Variants in PRKAG1 observed in about 807,000 individuals in gnomAD.
The protein encoded by PRKAG1 is protein kinase AMP-activated non-catalytic subunit gamma 1.
In PRKAG1, 27 loss-of-function variants were observed where a neutral mutation model predicts 48.2. That is an observed-to-expected ratio of 0.56 (90% CI 0.41 to 0.77). PRKAG1 has a LOEUF of 0.77. Among genes scored for constraint, PRKAG1 ranks in the 30% least tolerant of loss-of-function variants. The pLI is 0.00. For synonymous variants in PRKAG1, 130 were observed against 147.7 expected, an observed-to-expected ratio of 0.88 and a Z score of 0.87; for missense variants, 287 against 398.3, an observed-to-expected ratio of 0.72 and a Z score of 2.38.
In PRKAG1 at chr12:49,004,816, TGTGTGTGTGTG is replaced by T. The variant is rs1565732956; in HGVS notation, c.410+137_410+147del. 1.8e-4 allele frequency: 39 copies of T among 217,076 alleles called. No individual in the cohort carries two copies. The African/African-American group carries it at 3.1e-3, about 17-fold the overall frequency. The allele number at this position is 217,076 out of a possible 1,614,324, so 13.4% of individuals were successfully genotyped here. On this transcript the variant is annotated intron_variant, in intron 7 of 11. Coordinates refer to ENST00000548065, the MANE Select transcript of PRKAG1 (RefSeq NM_002733.5). Reference sequence around the variant, plus strand: ...GAGAATGAGAGAGAGAGAGAGACTGTGTGTGTGTGTGTGTGTGTGTGTGTGTGTGTGTGTGT... The same window carrying T: ...GAGAATGAGAGAGAGAGAGAGACTGTTGTGTGTGTGTGTGTGTGTGTGTGT...
chr12:49,003,757 C>T lies in PRKAG1; in HGVS notation c.703G>A (p.Gly235Arg). 1 of 1,611,556 alleles carries T rather than the reference C, an allele frequency of 6.2e-7. No individual in the cohort carries two copies. The highest frequency in any genetic ancestry group is 1.1e-5 in the South Asian group (1 of 90,666). ...VSALPVVDEK[G>R]RVVDIYSKFD... ...CCTCTCCTTCTGCCCAATCTCTCAC[C>T]CTTCTCATCCACCACTGGCAGGGCT... Residue 235 changes from glycine to arginine, a missense_variant and splice_region_variant, in exon 9 of 12, where the codon GGG becomes AGG. Gly to Arg is a moderately radical substitution (Grantham distance 125). This residue lies in a region of PRKAG1 where 224 missense variants were observed against 344.3 expected (regional missense o/e 0.65). Coordinates refer to ENST00000548065, the MANE Select transcript of PRKAG1 (RefSeq NM_002733.5).
chr12:49,003,981 C>G (rs368231399), intron 8 of PRKAG1, 59 bp from the exon 9 acceptor site: 14 of 1,536,694 alleles, frequency 9.1e-6, no homozygotes, highest in East Asian at 6.8e-5. Flanking sequence ...TTGGATACCC[C>G]CTCCAACCCA....
At chr12:49,006,189 ATACT>A (rs1269724151) in intron 2 of PRKAG1, among the ~76,000 whole-genome samples, 1 of 152,204 alleles carries the variant, frequency 6.6e-6, no homozygotes, top group African/African-American at 2.4e-5. Flanking sequence ...TCCCTTTCAT[ATACT>A]TAGCACATTT....
rs764818821 is a variant in PRKAG1, at chr12:49,018,771, T to C, written c.-31A>G. 1.2e-6 allele frequency: 2 copies of C among 1,612,108 alleles called. No individual in the cohort carries two copies. Among genetic ancestry groups the C allele is most frequent in the African/African-American group, 2.7e-5 (2 of 74,860 alleles). On this transcript the variant is annotated 5_prime_UTR_variant, in exon 1 of 12. Coordinates refer to ENST00000548065, the MANE Select transcript of PRKAG1 (RefSeq NM_002733.5). Reference sequence around the variant, plus strand: ...GAGGCGCCCGGCTTGGTTTCCTCGCTTTAGGAAACTCTCTTGGGGCAGGCC... The same window carrying C: ...GAGGCGCCCGGCTTGGTTTCCTCGCCTTAGGAAACTCTCTTGGGGCAGGCC...
intron 2 of PRKAG1, among the ~76,000 whole-genome samples, chr12:49,012,367 T>A (rs1941793632): frequency 6.6e-6 from 1 of 151,482 alleles, no homozygotes; most frequent in Non-Finnish European, 1.5e-5. Flanking sequence ...CTTTTCCTAA[T>A]TTTTTTCTTT....
chr12:49,004,056 G>A, intron 8 of PRKAG1, 134 bp from the exon 9 acceptor site: 1 of 1,222,078 alleles, frequency 8.2e-7, no homozygotes, highest in Non-Finnish European at 1.1e-6. Context: ...TTGGGAGGCT[G>A]AGGGGGACAT....
intron 1 of PRKAG1, among the ~76,000 whole-genome samples, chr12:49,015,849 T>C (rs1039474857): frequency 6.6e-6 from 1 of 151,942 alleles, no homozygotes; most frequent in Non-Finnish European, 1.5e-5. Context: ...GTGCTGGGAT[T>C]ACAGGTATGC....
At chr12:49,011,668 T>C (rs1022446332) in intron 2 of PRKAG1, among the ~76,000 whole-genome samples, 1 of 151,500 alleles carries the variant, frequency 6.6e-6, no homozygotes, top group Non-Finnish European at 1.5e-5. Flanking sequence ...GATTCTGTGA[T>C]TCTCCTGCCT....
intron 2 of PRKAG1, among the ~76,000 whole-genome samples, chr12:49,012,321 G>A (rs1053692996): frequency 2.6e-5 from 4 of 151,768 alleles, no homozygotes; most frequent in African/African-American, 9.7e-5. Context: ...GATTTTAGAG[G>A]TTTAGTGCTT....
intron 10 of PRKAG1, 101 bp downstream of exon 10, chr12:49,003,457 G>A: frequency 6.4e-7 from 1 of 1,550,994 alleles, no homozygotes; most frequent in Non-Finnish European, 8.8e-7. Flanking sequence ...AAGCTTCTAA[G>A]ACCCTTAGAT....
chr12:49,008,209 T>C (rs1941620154), intron 2 of PRKAG1, among the ~76,000 whole-genome samples: 1 of 152,206 alleles, frequency 6.6e-6, no homozygotes, highest in African/African-American at 2.4e-5. Context: ...ATAAGCCAAA[T>C]AGTAAACTCT....
At position 49,013,062 on chromosome 12, in the gene PRKAG1, CT is replaced by C. The variant is rs1309466900; in HGVS notation, c.57del (p.Glu20ArgfsTer14). The stretch of plus-strand genomic sequence containing the variant: ...AGTTTCCTTTCTTCAGTAAACTTAC[CT>C]TGAGGATGCTCATTTTCCACAGCTG... ...SSPAVENEHP[Q>X]ETPESNNSVY... On this transcript the variant is annotated frameshift_variant and splice_region_variant, in exon 2 of 12. Coordinates refer to ENST00000548065, the MANE Select transcript of PRKAG1 (RefSeq NM_002733.5). LOFTEE classifies it high-confidence loss of function. 6.2e-7 allele frequency: 1 copy of C among 1,612,104 alleles called. No individual in the cohort carries two copies. The highest frequency in any genetic ancestry group is 1.1e-5 in the South Asian group (1 of 91,036).
chr12:49,003,880 C>G lies in PRKAG1; in HGVS notation c.580G>C (p.Glu194Gln). The change falls in exon 9 of 12, where the codon GAA becomes CAA. Residue 194 changes from glutamate to glutamine, a missense_variant. By Grantham distance (29) the Glu-to-Gln change is conservative. Coordinates refer to ENST00000548065, the MANE Select transcript of PRKAG1 (RefSeq NM_002733.5). ...GCATAGGTGCCAATCTGTAGCTCTT[C>G]CAGAGACTTGGACATGAACTCTGGC... is the stretch of plus-strand genomic sequence containing the variant. ...PKPEFMSKSLEELQIGTYANI... is the reference protein window; with the variant it reads ...PKPEFMSKSLQELQIGTYANI... 1 of 1,613,066 alleles carries G rather than the reference C, an allele frequency of 6.2e-7. No individual in the cohort carries two copies. Among genetic ancestry groups the G allele is most frequent in the Non-Finnish European group, 8.5e-7 (1 of 1,179,414 alleles).
chr12:49,013,279 T>G (rs989595972), intron 1 of PRKAG1, among the ~76,000 whole-genome samples, 169 bp from the exon 2 acceptor site: 24 of 152,150 alleles, frequency 1.6e-4, no homozygotes, highest in African/African-American at 4.6e-4. Flanking sequence ...TCTCGCTCTG[T>G]CACCCAGGCT....
intron 2 of PRKAG1, among the ~76,000 whole-genome samples, chr12:49,011,442 A>G (rs940509071): frequency 6.6e-6 from 1 of 151,644 alleles, no homozygotes; most frequent in Non-Finnish European, 1.5e-5. Context: ...CGAACTCCTG[A>G]GCTCAAGTGA....
At chr12:49,015,106 C>G (rs553380516) in intron 1 of PRKAG1, among the ~76,000 whole-genome samples, 1 of 152,290 alleles carries the variant, frequency 6.6e-6, no homozygotes, top group African/African-American at 2.4e-5. Context: ...CCTCTTCCCA[C>G]TGGACTGCAT....
At position 49,003,285 on chromosome 12, in the gene PRKAG1, C is replaced by T; in HGVS notation, c.747G>A (p.Leu249=). 1 of 1,614,084 alleles carries T rather than the reference C, an allele frequency of 6.2e-7. No homozygotes were observed. Among genetic ancestry groups the T allele is most frequent in the South Asian group, 1.1e-5 (1 of 91,078 alleles). ...GGTTGTTGTAGGTCTTTTCTGCTGC[C>T]AGATTCTGGGGAGACAGAGGAAGGA... ...DIYSKFDVIN[L]AAEKTYNNLD... Residue 249 remains leucine (L), a synonymous_variant, in exon 11 of 12, where the codon CTG becomes CTA. Coordinates refer to ENST00000548065, the MANE Select transcript of PRKAG1 (RefSeq NM_002733.5).
intron 2 of PRKAG1, among the ~76,000 whole-genome samples, chr12:49,006,618 G>T (rs1941546301): frequency 6.6e-6 from 1 of 152,190 alleles, no homozygotes; most frequent in African/African-American, 2.4e-5. Context: ...AACTAGGGAA[G>T]TAATCTCCCA....
Position 49,005,037 on chromosome 12 carries a change from G to A in PRKAG1, c.356-19C>T. On this transcript the variant is annotated intron_variant, in intron 6 of 11. Coordinates refer to ENST00000548065, the MANE Select transcript of PRKAG1 (RefSeq NM_002733.5). The surrounding 1 kb of genome is among the most constrained non-coding windows in gnomAD (Gnocchi z 4.1). ...TACACCTCTGAAGGGAAAAGGGATG[G>A]GTCACAAAATACCACCATGGAAAAG... 6.2e-7 allele frequency: 1 copy of A among 1,613,614 alleles called. No homozygotes were observed. Among genetic ancestry groups the A allele is most frequent in the Non-Finnish European group, 8.5e-7 (1 of 1,179,744 alleles).
Sources: allele counts gnomAD v4.1 joint callset (sites outside exome capture counted in the v4.1 genomes callset), GRCh38; gene constraint gnomAD v4.1.1; regional missense constraint gnomAD v4.1.1; non-coding constraint Gnocchi (gnomAD v3.1); transcripts MANE v1.5; gene names NCBI Gene and HGNC (gene_info 2026-07-23, HGNC 2026-07-21).